Variants in NNMT observed in about 807,000 individuals in gnomAD.
NNMT encodes nicotinamide N-methyltransferase.
NNMT carries 10 observed loss-of-function variants against 11.7 expected under a neutral mutation model. That is an observed-to-expected ratio of 0.85 (90% CI 0.53 to 1.45). The LOEUF is 1.45. NNMT is among the 40% of genes most tolerant of loss of function. The pLI, the probability that NNMT is intolerant of heterozygous loss-of-function variation, is 0.00. For synonymous variants in NNMT, 143 were observed against 133.8 expected, an observed-to-expected ratio of 1.07 and a Z score of -0.48; for missense variants, 381 against 319.4, an observed-to-expected ratio of 1.19 and a Z score of -1.47.
At position 114,312,362 on chromosome 11, in the gene NNMT, A is replaced by G. The variant is rs771997034; in HGVS notation, c.680A>G (p.Glu227Gly). 5 of 1,614,236 alleles carry G rather than the reference A, an allele frequency of 3.1e-6. 1 individual carries two copies. In the Admixed American group the frequency reaches 8.3e-5, roughly 27 times the overall value. Residue 227 changes from glutamate to glycine, a missense_variant, in exon 3 of 3, where the codon GAG becomes GGG. Glu to Gly is a moderately conservative substitution (Grantham distance 98). Transcript: ENST00000299964. ...GAGGCAGTAGAGGCTGCTGTGAAAG[A>G]GGCTGGCTACACAATCGAATGGTTT... ...GREAVEAAVK[E>G]AGYTIEWFEV...
At chr11:114,284,764 C>CTTTTT (rs11415162) in intron 2 of NNMT, among the ~76,000 whole-genome samples, 6 of 90,370 alleles carry the variant, frequency 6.6e-5, no homozygotes, top group African/African-American at 1.6e-4. Context: ...ACCCGGCCAT[C>CTTTTT]TTTTTTTTTT....
chr11:114,281,035 AC>A (rs1159011447), intron 2 of NNMT, among the ~76,000 whole-genome samples: 1 of 152,128 alleles, frequency 6.6e-6, no homozygotes, highest in Non-Finnish European at 1.5e-5. Flanking sequence ...AGGAAAGCCA[AC>A]CCAGACCTGC....
At chr11:114,293,282 A>G (rs2852432), upstream of NNMT, among the ~76,000 whole-genome samples, 94,522 of 151,872 alleles carry the variant, frequency 0.62, 31,274 homozygotes, top group Non-Finnish European at 0.74. Flanking sequence ...ATCTGAGACA[A>G]TTTGCCTGCC....
intron 2 of NNMT, among the ~76,000 whole-genome samples, chr11:114,270,043 AT>A (rs1294189800): frequency 3.3e-5 from 5 of 152,096 alleles, no homozygotes; most frequent in Non-Finnish European, 7.4e-5. Flanking sequence ...TAAGAAAAAA[AT>A]TTAAAATTTC....
chr11:114,288,140 C>T (rs1209268292), intron 2 of NNMT, among the ~76,000 whole-genome samples: 1 of 152,112 alleles, frequency 6.6e-6, no homozygotes, highest in Non-Finnish European at 1.5e-5. Flanking sequence ...TTTTCATTCT[C>T]TCTCTATATC....
chr11:114,278,517 T>C (rs1397001944), intron 2 of NNMT, among the ~76,000 whole-genome samples: 1 of 152,132 alleles, frequency 6.6e-6, no homozygotes, highest in Non-Finnish European at 1.5e-5. Flanking sequence ...ACTAATGTTC[T>C]GGGCACCTGG....
chr11:114,292,782 G>A (rs1472660292), upstream of NNMT, among the ~76,000 whole-genome samples: 1 of 151,602 alleles, frequency 6.6e-6, no homozygotes, highest in African/African-American at 2.4e-5. Context: ...TTCTGGAGAG[G>A]GTAGAAAAAA....
intron 2 of NNMT, among the ~76,000 whole-genome samples, chr11:114,290,144 TG>T (rs1945325265): frequency 6.6e-6 from 1 of 152,234 alleles, no homozygotes; most frequent in African/African-American, 2.4e-5. Context: ...ATGAATTTGA[TG>T]GGGAACAAAC....
At chr11:114,267,341 T>C (rs1038305564) in intron 2 of NNMT, among the ~76,000 whole-genome samples, 1 of 152,178 alleles carries the variant, frequency 6.6e-6, no homozygotes, top group Non-Finnish European at 1.5e-5. Flanking sequence ...ATGATCTTCT[T>C]TATTTGTTTA....
intron 2 of NNMT, among the ~76,000 whole-genome samples, chr11:114,268,399 A>G (rs1347157825): frequency 6.6e-6 from 1 of 152,098 alleles, no homozygotes; most frequent in East Asian, 1.9e-4. Context: ...GCTTGTTAGG[A>G]GAGGGTCAGC....
chr11:114,278,765 T>G (rs2135254635), intron 2 of NNMT, among the ~76,000 whole-genome samples: 1 of 152,016 alleles, frequency 6.6e-6, no homozygotes, highest in African/African-American at 2.4e-5. Flanking sequence ...GGTGCTGGGG[T>G]CAGATCAGAA....
At chr11:114,274,215 C>A (rs1318576275) in intron 2 of NNMT, among the ~76,000 whole-genome samples, 2 of 152,180 alleles carry the variant, frequency 1.3e-5, no homozygotes, top group Admixed American at 6.5e-5. Context: ...AAAGTAGAAC[C>A]TTTTGGGAAA....
rs547940364 is a variant in NNMT, at chr11:114,288,107, G to A, written c.-129-8321G>A. On this transcript the variant is annotated intron_variant, in intron 2 of 4. Coordinates refer to the NNMT transcript ENST00000535401. ...AGATATTTTGCTAAACTGTTATATT[G>A]TAATAATTTACTTGTAGATTATTTT... Among the ~76,000 whole-genome samples the A allele has an allele frequency of 2.6e-5, 4 of 152,126 alleles. No homozygotes were observed. The South Asian group carries it at 8.3e-4, about 32-fold the overall frequency.
chr11:114,270,266 G>T (rs1945159976), intron 2 of NNMT: 1 of 152,114 alleles, frequency 6.6e-6, no homozygotes, highest in Admixed American at 6.5e-5. Context: ...GAATTAACTA[G>T]ATTTGAATTA....
intron 2 of NNMT, among the ~76,000 whole-genome samples, chr11:114,308,113 G>C (rs1489391006): frequency 1.3e-5 from 2 of 152,016 alleles, no homozygotes; most frequent in African/African-American, 4.8e-5. Context: ...AACATATTTG[G>C]AAAATACATG....
At chr11:114,270,109 T>A (rs1021301590) in intron 2 of NNMT, among the ~76,000 whole-genome samples, 6 of 152,172 alleles carry the variant, frequency 3.9e-5, no homozygotes, top group Non-Finnish European at 5.9e-5. Context: ...TGCAATTTGA[T>A]CAGAGAATAT....
rs778507575 is a variant in NNMT, at chr11:114,312,074, T to A, written c.392T>A (p.Leu131Ter). ...RVKGPEKEEKLRQAVKQVLKC... is the reference protein window; with the variant it reads ...RVKGPEKEEK ...AAGGGTCCAGAGAAGGAGGAGAAGT[T>A]GAGACAGGCGGTCAAGCAGGTGCTG... The change falls in exon 3 of 3, where the codon TTG (leucine) becomes TAG (stop). Residue 131 changes from leucine to a stop codon, truncating the protein, a stop_gained. Transcript: ENST00000299964. LOFTEE classifies it low-confidence loss of function (END_TRUNC). 6.3e-7 allele frequency: 1 copy of A among 1,589,704 alleles called. No individual in the cohort carries two copies. Among genetic ancestry groups the A allele is most frequent in the East Asian group, 2.3e-5 (1 of 44,412 alleles).
chr11:114,279,845 A>G (rs1460285971), intron 2 of NNMT, among the ~76,000 whole-genome samples: 1 of 152,232 alleles, frequency 6.6e-6, no homozygotes, highest in African/African-American at 2.4e-5. Flanking sequence ...ACAGAAAGAA[A>G]TGCCTAATTT....
At position 114,298,168 on chromosome 11, in the gene NNMT, C is replaced by G. The variant is rs1260421662; in HGVS notation, c.362+10C>G. 6.2e-7 allele frequency: 1 copy of G among 1,612,600 alleles called. No homozygotes were observed. The highest frequency in any genetic ancestry group is 1.7e-5 in the Admixed American group (1 of 59,974). On this transcript the variant is annotated intron_variant, in intron 2 of 2. Transcript: ENST00000299964. ...ATCTTGAAGGGAACAGGTAGAGAAA[C>G]TGGTGTCTACTTCTTGGCTTTTGAA... is the stretch of plus-strand genomic sequence containing the variant.
Sources: gnomAD v4.1 joint callset for allele counts (sites outside exome capture counted in the v4.1 genomes callset) on GRCh38, gnomAD v4.1.1 for gene constraint, MANE v1.5 for transcripts, NCBI Gene and HGNC (gene_info 2026-07-23, HGNC 2026-07-21) for gene names.